TNFRSF8: variants seen among roughly 807,000 people sequenced by gnomAD.
TNFRSF8 encodes the protein TNF receptor superfamily member 8.
TNFRSF8 carries 26 observed loss-of-function variants against 70.8 expected under a neutral mutation model. The observed-to-expected ratio is 0.37, with a 90% CI of 0.27 to 0.51. TNFRSF8 has a LOEUF of 0.51. Ranked by LOEUF, TNFRSF8 falls within the 20% of genes least tolerant of loss-of-function variation. The pLI is 0.94. For synonymous variants in TNFRSF8, 356 were observed against 339.2 expected (o/e 1.05, Z -0.54); for missense variants, 720 against 807.9 (o/e 0.89, Z 1.32).
chr1:12,123,393 C>T lies in TNFRSF8; in HGVS notation c.1040+16C>T, dbSNP rs754289273. ...CGCCTGCCAGGTGACTCCCCCACCC[C>T]TTCTCTCTGTTTGGCTGCTGCAGGA... is the stretch of plus-strand genomic sequence containing the variant. On this transcript the variant is annotated intron_variant, in intron 9 of 14. Transcript: ENST00000263932. 1 of 1,594,622 alleles carries T rather than the reference C, an allele frequency of 6.3e-7. No homozygotes were observed. Among genetic ancestry groups the T allele is most frequent in the Non-Finnish European group, 8.5e-7 (1 of 1,170,348 alleles).
chr1:12,098,677 TA>T (rs200541771), intron 3 of TNFRSF8, among the ~76,000 whole-genome samples: 19,369 of 146,272 alleles, frequency 0.13, 1,354 homozygotes, highest in East Asian at 0.28. Flanking sequence ...GCAATTCCTT[TA>T]AAAAAAAAAA....
intron 12 of TNFRSF8, among the ~76,000 whole-genome samples, chr1:12,128,744 C>T (rs1641989555): frequency 6.6e-6 from 1 of 152,136 alleles, no homozygotes; most frequent in Non-Finnish European, 1.5e-5. Flanking sequence ...CAGTAACCTT[C>T]CCTACTTGGG....
chr1:12,101,896 A>G (rs1641430150), intron 3 of TNFRSF8, among the ~76,000 whole-genome samples: 1 of 151,826 alleles, frequency 6.6e-6, no homozygotes, highest in African/African-American at 2.4e-5. Context: ...GCTGGTTTTG[A>G]ACTCCTGACC....
At position 12,119,555 on chromosome 1, in the gene TNFRSF8, C is replaced by CT. The variant is rs57055779; in HGVS notation, c.947-3716dup. ...ATGAATGAAAACAGCTGTGAATATT[C>CT]TTTTTTTTTTTTTAACATGTATGAA... On this transcript the variant is annotated intron_variant, in intron 8 of 14. Coordinates refer to ENST00000263932, the MANE Select transcript of TNFRSF8 (RefSeq NM_001243.5). The surrounding 1 kb of genome is among the most constrained non-coding windows in gnomAD (Gnocchi z 4.4). Among the ~76,000 whole-genome samples the CT allele has an allele frequency of 0.15, 21,884 of 145,784 alleles. 1,848 individuals carry two copies. Among genetic ancestry groups the CT allele is most frequent in the African/African-American group, 0.24 (9,395 of 39,938 alleles).
intron 1 of TNFRSF8, among the ~76,000 whole-genome samples, chr1:12,076,390 G>A (rs1043503760): frequency 6.6e-6 from 1 of 152,236 alleles, no homozygotes; most frequent in South Asian, 2.1e-4. Context: ...GTGAGCTACC[G>A]TGCCCGGCCT....
intron 2 of TNFRSF8, among the ~76,000 whole-genome samples, chr1:12,089,493 C>A (rs548779624): frequency 2.7e-4 from 41 of 152,042 alleles, no homozygotes; most frequent in Non-Finnish European, 5.0e-4. Flanking sequence ...TTTCTTTAAG[C>A]CTGAAAAATC....
chr1:12,092,097 C>A (rs897257947), intron 2 of TNFRSF8, among the ~76,000 whole-genome samples: 1 of 152,172 alleles, frequency 6.6e-6, no homozygotes, highest in Non-Finnish European at 1.5e-5. Flanking sequence ...TAACTCCAAT[C>A]TTCACATGGC....
At chr1:12,103,179 C>T (rs1008517701) in intron 3 of TNFRSF8, among the ~76,000 whole-genome samples, 3 of 152,062 alleles carry the variant, frequency 2.0e-5, no homozygotes, top group African/African-American at 7.2e-5. Context: ...TCCTGGCCAA[C>T]GTGGTGAAAC....
At chr1:12,103,990 G>A (rs1190675375) in intron 3 of TNFRSF8, among the ~76,000 whole-genome samples, 1 of 152,086 alleles carries the variant, frequency 6.6e-6, no homozygotes, top group Non-Finnish European at 1.5e-5. Flanking sequence ...TATTTTCACT[G>A]CCCTAAATGT....
At position 12,110,322 on chromosome 1, in the gene TNFRSF8, G is replaced by C; in HGVS notation, c.676+118G>C. On this transcript the variant is annotated intron_variant, in intron 6 of 14. Transcript: ENST00000263932. This position sits in a 1 kb window ranked among gnomAD's most constrained non-coding sequence, Gnocchi z 4.0. ...ATCTGTGGTCTTTTCCTGGTGGGGA[G>C]AGAAGACGGTGGTAAGGTATGATCT... 3 of 1,083,820 alleles carry C rather than the reference G, an allele frequency of 2.8e-6. No individual in the cohort carries two copies. Among genetic ancestry groups the C allele is most frequent in the Non-Finnish European group, 3.8e-6 (3 of 781,386 alleles). 67.1% of individuals were successfully genotyped at this position (1,083,820 alleles called of 1,614,324 possible). A position where few individuals can be genotyped will look rare whatever the true frequency, so the allele number is the denominator to read the frequency against.
intron 12 of TNFRSF8, among the ~76,000 whole-genome samples, chr1:12,133,720 C>T (rs1642094594): frequency 8.1e-6 from 1 of 123,680 alleles, no homozygotes; most frequent in African/African-American, 3.2e-5. Flanking sequence ...ACCCTGGCGA[C>T]AGAGTTAGAC....
Position 12,110,296 on chromosome 1 carries a change from G to T in TNFRSF8, c.676+92G>T. The stretch of plus-strand genomic sequence containing the variant: ...GGGGTGTTTGGAGCAGGCGGGCAGT[G>T]ATCTGTGGTCTTTTCCTGGTGGGGA... On this transcript the variant is annotated intron_variant, in intron 6 of 14. Transcript: ENST00000263932. This position sits in a 1 kb window ranked among gnomAD's most constrained non-coding sequence, Gnocchi z 4.0. 7.6e-7 allele frequency: 1 copy of T among 1,323,274 alleles called. No individual in the cohort carries two copies. Among genetic ancestry groups the T allele is most frequent in the Non-Finnish European group, 1.0e-6 (1 of 987,130 alleles). 82.0% of individuals were successfully genotyped at this position (1,323,274 alleles called of 1,614,324 possible).
At chr1:12,118,567 C>T (rs1186560919) in intron 8 of TNFRSF8, among the ~76,000 whole-genome samples, 5 of 152,186 alleles carry the variant, frequency 3.3e-5, no homozygotes, top group African/African-American at 9.7e-5. Flanking sequence ...ACATTAAATT[C>T]GTGTCTGCAG....
At chr1:12,133,463 C>T (rs1050995265) in intron 12 of TNFRSF8, among the ~76,000 whole-genome samples, 5 of 152,138 alleles carry the variant, frequency 3.3e-5, no homozygotes, top group East Asian at 3.9e-4. Context: ...GTGCCTCGGC[C>T]GGGTGCCGTG....
chr1:12,104,583 C>T (rs545096904), intron 4 of TNFRSF8, 52 bp downstream of exon 4: 3 of 1,604,998 alleles, frequency 1.9e-6, no homozygotes, highest in African/African-American at 1.3e-5. Context: ...GTTGCTGCTG[C>T]ACCTTCCGCC....
chr1:12,129,809 G>T (rs971853575), intron 12 of TNFRSF8, among the ~76,000 whole-genome samples: 1 of 152,166 alleles, frequency 6.6e-6, no homozygotes, highest in Non-Finnish European at 1.5e-5. Context: ...CCACTGTGAC[G>T]TCTCCATTTG....
At chr1:12,076,146 G>A (rs1417711178) in intron 1 of TNFRSF8, among the ~76,000 whole-genome samples, 2 of 147,748 alleles carry the variant, frequency 1.4e-5, no homozygotes, top group Non-Finnish European at 3.0e-5. Flanking sequence ...TCTTGCCCAG[G>A]CTGGAGTGCA....
At chr1:12,064,104 C>G (rs950223420) in intron 1 of TNFRSF8, among the ~76,000 whole-genome samples, 2 of 152,188 alleles carry the variant, frequency 1.3e-5, no homozygotes, top group Non-Finnish European at 2.9e-5. Flanking sequence ...TGCCCCCTTC[C>G]TAAGCTGGCC....
intron 1 of TNFRSF8, among the ~76,000 whole-genome samples, chr1:12,075,268 A>T (rs6690285): frequency 0.28 from 42,774 of 150,090 alleles, 6,353 homozygotes; most frequent in South Asian, 0.38. Context: ...TTTTTTTTTA[A>T]AGAGACAGGG....
Sources: gnomAD v4.1 joint callset for allele counts (sites outside exome capture counted in the v4.1 genomes callset) on GRCh38, gnomAD v4.1.1 for gene constraint, Gnocchi (gnomAD v3.1) non-coding constraint, MANE v1.5 for transcripts, NCBI Gene and HGNC (gene_info 2026-07-23, HGNC 2026-07-21) for gene names.